Variants in ARB2A observed in about 807,000 individuals in gnomAD.
ARB2A encodes the protein cotranscriptional regulator ARB2A.
chr5:93,645,035 T>C, the ARB2A span, among the ~76,000 whole-genome samples: 1 of 152,226 alleles, frequency 6.6e-6, no homozygotes, highest in African/African-American at 2.4e-5. Flanking sequence ...CTTCTAACTT[T>C]AGATAGCCAA....
At chr5:93,894,657 T>G in the ARB2A span, among the ~76,000 whole-genome samples, 2 of 152,158 alleles carry the variant, frequency 1.3e-5, no homozygotes, top group Admixed American at 6.6e-5. Context: ...TTATGTGGTC[T>G]TTACTGACTT....
At chr5:93,772,130 A>G in the ARB2A span, among the ~76,000 whole-genome samples, 1 of 152,262 alleles carries the variant, frequency 6.6e-6, no homozygotes, top group African/African-American at 2.4e-5. Context: ...GCAGCCGTAA[A>G]AAATGATGAG....
the ARB2A span, among the ~76,000 whole-genome samples, chr5:93,944,849 T>G: frequency 6.6e-6 from 1 of 152,154 alleles, no homozygotes; most frequent in African/African-American, 2.4e-5. Flanking sequence ...AGGTACTGGC[T>G]TGACATTACA....
At chr5:93,742,444 A>C in the ARB2A span, among the ~76,000 whole-genome samples, 7 of 152,076 alleles carry the variant, frequency 4.6e-5, no homozygotes, top group African/African-American at 1.7e-4. Context: ...ATCCCACCAG[A>C]AACCCAACAA....
the ARB2A span, among the ~76,000 whole-genome samples, chr5:93,793,163 C>T: frequency 1.3e-5 from 2 of 151,448 alleles, no homozygotes; most frequent in Non-Finnish European, 2.9e-5. Flanking sequence ...ACTTTAAACT[C>T]CTGGGCTCAA....
At chr5:93,994,234 A>G in the ARB2A span, among the ~76,000 whole-genome samples, 1 of 152,250 alleles carries the variant, frequency 6.6e-6, no homozygotes, top group Non-Finnish European at 1.5e-5. Flanking sequence ...TTCCAGCATT[A>G]TGCACAATAG....
chr5:93,712,258 A>G, the ARB2A span, among the ~76,000 whole-genome samples: 1 of 152,196 alleles, frequency 6.6e-6, no homozygotes, highest in African/African-American at 2.4e-5. Flanking sequence ...AAAACAAAAC[A>G]AAACAAAAAA....
chr5:93,950,205 T>G, the ARB2A span, among the ~76,000 whole-genome samples: 1 of 152,294 alleles, frequency 6.6e-6, no homozygotes, highest in East Asian at 1.9e-4. Context: ...ATAAACTGAT[T>G]TCCATCCTTT....
At chr5:93,838,601 G>C in the ARB2A span, among the ~76,000 whole-genome samples, 3 of 151,854 alleles carry the variant, frequency 2.0e-5, no homozygotes, top group African/African-American at 7.3e-5. Flanking sequence ...TCGTTTGATA[G>C]GAACAGCATT....
chr5:93,717,329 AC>A, the ARB2A span, among the ~76,000 whole-genome samples: 1 of 152,156 alleles, frequency 6.6e-6, no homozygotes, highest in East Asian at 1.9e-4. Flanking sequence ...ATAGGTCAGC[AC>A]CAAGCGGTGC....
At chr5:94,052,173 C>A in the ARB2A span, among the ~76,000 whole-genome samples, 1 of 152,090 alleles carries the variant, frequency 6.6e-6, no homozygotes, top group African/African-American at 2.4e-5. Context: ...GGAGAAAAGA[C>A]GAAGCCACTT....
At chr5:94,073,311 T>C in the ARB2A span, among the ~76,000 whole-genome samples, 1 of 152,096 alleles carries the variant, frequency 6.6e-6, no homozygotes, top group Non-Finnish European at 1.5e-5. Context: ...CCCAGCATTA[T>C]TATTCCTATA....
At chr5:93,886,739 G>A in the ARB2A span, among the ~76,000 whole-genome samples, 127 of 151,768 alleles carry the variant, frequency 8.4e-4, no homozygotes, top group East Asian at 0.011. Context: ...TTCTCAAGAC[G>A]TGACCTGGGA....
chr5:93,993,279 G>A, the ARB2A span, among the ~76,000 whole-genome samples: 20 of 152,174 alleles, frequency 1.3e-4, no homozygotes, highest in African/African-American at 2.9e-4. Context: ...TTTGCCCAGA[G>A]AGACAGCTGT....
chr5:93,722,399 CT>C, the ARB2A span, among the ~76,000 whole-genome samples: 1 of 151,942 alleles, frequency 6.6e-6, no homozygotes, highest in African/African-American at 2.4e-5. Flanking sequence ...ATAATGTGTA[CT>C]TTAAAAAAAT....
chr5:93,998,200 A>T, the ARB2A span, among the ~76,000 whole-genome samples: 2 of 152,004 alleles, frequency 1.3e-5, no homozygotes, highest in Non-Finnish European at 2.9e-5. Context: ...ATGATTTTTT[A>T]AAATCTTTTC....
chr5:93,967,605 G>C, the ARB2A span, among the ~76,000 whole-genome samples: 2 of 152,034 alleles, frequency 1.3e-5, no homozygotes, highest in South Asian at 2.1e-4. Flanking sequence ...CAACCTTAAG[G>C]GGGAGGGGAC....
chr5:93,856,469 C>G, the ARB2A span, among the ~76,000 whole-genome samples: 1 of 152,178 alleles, frequency 6.6e-6, no homozygotes, highest in Non-Finnish European at 1.5e-5. Context: ...TTCTTGGAGG[C>G]TTTGTTCGTT....
At chr5:93,967,092 A>T in the ARB2A span, among the ~76,000 whole-genome samples, 1 of 152,130 alleles carries the variant, frequency 6.6e-6, no homozygotes, top group Non-Finnish European at 1.5e-5. Flanking sequence ...ATTGCCTTCC[A>T]GATTGCATAG....
Sources: allele counts gnomAD v4.1 joint callset (sites outside exome capture counted in the v4.1 genomes callset), GRCh38; gene constraint gnomAD v4.1.1; transcripts MANE v1.5; gene names NCBI Gene and HGNC (gene_info 2026-07-23, HGNC 2026-07-21).